SURF1: variants seen among roughly 807,000 people sequenced by gnomAD.
The protein encoded by SURF1 is surfeit locus protein 1.
SURF1 carries 45 observed loss-of-function variants against 34.1 expected under a neutral mutation model. That is an observed-to-expected ratio of 1.32 (90% CI 1.04 to 1.69). The LOEUF (loss-of-function observed/expected upper bound fraction) is 1.69. Ranked by LOEUF, SURF1 falls within the 40% of genes most tolerant of loss-of-function variation. SURF1 has a pLI of 0.00. For missense variants in SURF1, 456 were observed against 384.6 expected (o/e 1.19, Z -1.55); for synonymous variants, 188 against 147.5 (o/e 1.27, Z -1.99).
At chr9:133,354,608 T>C (rs2130017409) in intron 4 of SURF1, 51 bp downstream of exon 4, 2 of 1,605,686 alleles carry the variant, frequency 1.2e-6, no homozygotes, top group Non-Finnish European at 8.5e-7. Context: ...GCCAGGGCTC[T>C]GCTGTTGAAC....
In SURF1 at chr9:133,352,131, G is replaced by A. The variant is rs2130004932; in HGVS notation, c.763C>T (p.Pro255Ser). Residue 255 changes from proline to serine, a missense_variant, in exon 8 of 9, where the codon CCT becomes TCT. Pro to Ser is a moderately conservative substitution (Grantham distance 74). Transcript: ENST00000371974. ...GTTTGCCCTCCAATGGGTCCTCCAG[G>A]GACTGTGCTCTCTGTGGAGACAGCA... ...FIDANFQSTV[P>S]GGPIGGQTRV... The A allele has an allele frequency of 6.2e-7, 1 of 1,602,240 alleles. No individual in the cohort carries two copies. Among genetic ancestry groups the A allele is most frequent in the South Asian group, 1.1e-5 (1 of 89,194 alleles).
In SURF1 at chr9:133,356,270, T is replaced by C; in HGVS notation, c.105A>G (p.Pro35=). ...CACAGCCCGGCCTGCAGCCCTCACC[T>C]GGGCGCGGGGAGACCCTGAGGACGC... ...WRSVLRVSPR[P]GVAWRPSRCG... Residue 35 remains proline (P), a splice_region_variant and synonymous_variant, in exon 2 of 9, where the codon CCA becomes CCG. Coordinates refer to ENST00000371974, the MANE Select transcript of SURF1 (RefSeq NM_003172.4). The C allele has an allele frequency of 6.5e-7, 1 of 1,532,882 alleles. No homozygotes were observed. Among genetic ancestry groups the C allele is most frequent in the South Asian group, 1.2e-5 (1 of 83,922 alleles). 95.0% of individuals were successfully genotyped at this position (1,532,882 alleles called of 1,614,324 possible). A position where few individuals can be genotyped will look rare whatever the true frequency, so the allele number is the denominator to read the frequency against.
At position 133,354,761 on chromosome 9, in the gene SURF1, G is replaced by A. The variant is rs2130018444; in HGVS notation, c.241-20C>T. On this transcript the variant is annotated intron_variant, in intron 3 of 8. Transcript: ENST00000371974. ...CTGGACCTACAGTGACAGAGCATAA[G>A]GCCAAGCAGATGGCAGCAAGGTCAA... 5 of 1,613,596 alleles carry A rather than the reference G, an allele frequency of 3.1e-6. No individual in the cohort carries two copies. The African/African-American group carries it at 6.7e-5, about 22-fold the overall frequency.
In SURF1 at chr9:133,354,913, C is replaced by G. The variant is rs200000393; in HGVS notation, c.151G>C (p.Ala51Pro). 2.5e-6 allele frequency: 4 copies of G among 1,613,856 alleles called. No individual in the cohort carries two copies. In the East Asian group the frequency reaches 8.9e-5, roughly 36 times the overall value. The change falls in exon 3 of 9, where the codon GCA becomes CCA. Residue 51 changes from alanine to proline, a missense_variant. Transcript: ENST00000371974. ...PSRCGSSAAE[A>P]SATKAEDDSF... ...TCATCTTCCGCTTTTGTGGCAGATG[C>G]TTCTGCTGCAGAACTGCCACATCTG...
intron 2 of SURF1, 71 bp from the exon 3 acceptor site, chr9:133,355,028 G>C (rs1836537738): frequency 1.3e-6 from 2 of 1,598,366 alleles, no homozygotes; most frequent in Admixed American, 1.7e-5. Context: ...CCCGTTCCAA[G>C]ACAGACTCCA....
intron 2 of SURF1, among the ~76,000 whole-genome samples, chr9:133,355,727 G>A (rs2130022615): frequency 1.3e-5 from 2 of 152,130 alleles, no homozygotes; most frequent in African/African-American, 2.4e-5. Flanking sequence ...TAAATGTAAA[G>A]AGGGAAGAAT....
Position 133,352,721 on chromosome 9 carries a change from C to A in SURF1, c.561G>T (p.Val187=). ...VNRGFVPRKK[V]NPETRQKGQI... is the part of the protein sequence containing the mutation. ...GGCCTTTCTGCCGGGTTTCAGGATT[C>A]ACTTTCTTCCTGGGAACGAACCCTC... The change falls in exon 6 of 9, where the codon GTG becomes GTT. Residue 187 remains valine (V), a synonymous_variant. Coordinates refer to ENST00000371974, the MANE Select transcript of SURF1 (RefSeq NM_003172.4). 6.2e-7 allele frequency: 1 copy of A among 1,613,230 alleles called. No homozygotes were observed. Among genetic ancestry groups the A allele is most frequent in the Non-Finnish European group, 8.5e-7 (1 of 1,179,786 alleles).
In SURF1 at chr9:133,351,816, A is replaced by T; in HGVS notation, c.*97T>A. ...AACCAGTCATGAGCTCATTTAAGGT[A>T]GAAGGCCAGAACTTTATACCAGTAG... On this transcript the variant is annotated 3_prime_UTR_variant, in exon 9 of 9. Transcript: ENST00000371974. 7 of 1,357,026 alleles carry T rather than the reference A, an allele frequency of 5.2e-6. No homozygotes were observed. In the South Asian group the frequency reaches 8.7e-5, roughly 17 times the overall value. 84.1% of individuals were successfully genotyped at this position (1,357,026 alleles called of 1,614,324 possible).
In SURF1 at chr9:133,351,969, CAG is replaced by C. The variant is rs2130003140; in HGVS notation, c.845_846del (p.Ser282CysfsTer9). 151 of 1,613,784 alleles carry C rather than the reference CAG, an allele frequency of 9.4e-5. No individual in the cohort carries two copies. Among genetic ancestry groups the C allele is most frequent in the Non-Finnish European group, 1.1e-4 (132 of 1,179,964 alleles). ...TTAAACCACAGGTAGGATGTAGCTGCAGAGAGTCCATACCTAGGGGTTGAAAG... is the reference window on the plus strand; with the variant it reads ...TTAAACCACAGGTAGGATGTAGCTGCAGAGTCCATACCTAGGGGTTGAAAG... ...LQYIVTWYGLSAATSYLWFKK... is the reference protein window; with the variant it reads ...LQYIVTWYGLXAATSYLWFKK... On this transcript the variant is annotated frameshift_variant, in exon 9 of 9. Transcript: ENST00000371974. LOFTEE classifies it low-confidence loss of function (END_TRUNC).
intron 5 of SURF1, among the ~76,000 whole-genome samples, chr9:133,353,399 G>A (rs2130013084): frequency 3.3e-5 from 5 of 152,306 alleles, no homozygotes; most frequent in South Asian, 4.1e-4. Context: ...CTCAAGGTAG[G>A]GCTGGGGTCC....
At chr9:133,355,999 T>A (rs931906815) in intron 2 of SURF1, 19 of 561,320 alleles carry the variant, frequency 3.4e-5, no homozygotes, top group Non-Finnish European at 5.8e-5. Flanking sequence ...GATGGGACGT[T>A]CGGAAGTAAC....
Position 133,352,471 on chromosome 9 carries a change from C to G in SURF1, c.726G>C (p.Glu242Asp). 1 of 1,614,250 alleles carries G rather than the reference C, an allele frequency of 6.2e-7. No individual in the cohort carries two copies. The highest frequency in any genetic ancestry group is 1.1e-5 in the South Asian group (1 of 91,090). The change falls in exon 7 of 9, where the codon GAG becomes GAC. Residue 242 changes from glutamate to aspartate, a missense_variant. By Grantham distance (45) the Glu-to-Asp change is conservative. Transcript: ENST00000371974. ...GGAAGTTGGCATCAATGAAGATGGG[C>G]TCTGCGCCTGTGATTCTGGCCATAG... Reference protein sequence around the residue: ...LEAMARITGAEPIFIDANFQS... With the variant: ...LEAMARITGADPIFIDANFQS...
chr9:133,354,588 G>T, intron 4 of SURF1, 71 bp downstream of exon 4: 1 of 1,563,974 alleles, frequency 6.4e-7, no homozygotes, highest in Non-Finnish European at 8.8e-7. Flanking sequence ...GGGCAAGCTG[G>T]CCAGCAGAAG....
rs2130014270 is a variant in SURF1, at chr9:133,353,756, C to T, written c.508G>A (p.Asp170Asn). 47 of 1,613,800 alleles carry T rather than the reference C, an allele frequency of 2.9e-5. No individual in the cohort carries two copies. The highest frequency in any genetic ancestry group is 1.8e-4 in the East Asian group (8 of 44,878). ...CCCACATGTCCTACTCACCCCAGGT[C>T]GGTGCAGTGGAAGGGAGTGACCACA... ...AYVVTPFHCT[D>N]LGVTILVNRG... The change falls in exon 5 of 9, where the codon GAC (aspartate) becomes AAC (asparagine). Residue 170 changes from aspartate to asparagine, a missense_variant. Coordinates refer to ENST00000371974, the MANE Select transcript of SURF1 (RefSeq NM_003172.4).
rs1836494599 is a variant in SURF1 at position 133,353,734 on chromosome 9, A to G, written c.515+15T>C. The G allele has an allele frequency of 6.2e-7, 1 of 1,613,468 alleles. No individual in the cohort carries two copies. The highest frequency in any genetic ancestry group is 1.3e-5 in the African/African-American group (1 of 74,922). Reference sequence around the variant, plus strand: ...GCCTCTGCCAGGACAGCCAGCTCCCACATGTCCTACTCACCCCAGGTCGGT... The same window carrying G: ...GCCTCTGCCAGGACAGCCAGCTCCCGCATGTCCTACTCACCCCAGGTCGGT... On this transcript the variant is annotated intron_variant, in intron 5 of 8. Transcript: ENST00000371974.
chr9:133,355,086 T>C, intron 2 of SURF1, 129 bp from the exon 3 acceptor site: 3 of 1,234,300 alleles, frequency 2.4e-6, no homozygotes, highest in Non-Finnish European at 3.5e-6. Context: ...GCAGCACCTG[T>C]ATCCAGCCCA....
rs139022243 is a variant in SURF1 at position 133,352,118 on chromosome 9, A to G, written c.776T>C (p.Ile259Thr). 8.1e-6 allele frequency: 13 copies of G among 1,606,534 alleles called. No homozygotes were observed. The highest frequency in any genetic ancestry group is 6.7e-5 in the East Asian group (3 of 44,730). Residue 259 changes from isoleucine to threonine, a missense_variant, in exon 8 of 9, where the codon ATT becomes ACT. Coordinates refer to ENST00000371974, the MANE Select transcript of SURF1 (RefSeq NM_003172.4). ...CAGAGTAACTCTGGTTTGCCCTCCA[A>G]TGGGTCCTCCAGGGACTGTGCTCTC... ...NFQSTVPGGP[I>T]GGQTRVTLRN...
rs2130018247 is a variant in SURF1 at position 133,354,741 on chromosome 9, C to A, written c.241G>T (p.Val81Phe). Residue 81 changes from valine to phenylalanine, a missense_variant and splice_region_variant, in exon 4 of 9, where the codon GTC becomes TTC. Physicochemically the swap from Val to Phe is conservative, Grantham distance 50. Transcript: ENST00000371974. ...TTCAGCTTCCACTTCCGACGCTGGA[C>A]CTACAGTGACAGAGCATAAGGCCAA... is the stretch of plus-strand genomic sequence containing the variant. ...VTAFGLGTWQ[V>F]QRRKWKLNLI... The A allele has an allele frequency of 1.9e-6, 3 of 1,613,694 alleles. No homozygotes were observed. The South Asian group carries it at 3.3e-5, about 18-fold the overall frequency.
intron 5 of SURF1, among the ~76,000 whole-genome samples, chr9:133,353,148 G>A (rs1363798844): frequency 2.6e-5 from 4 of 152,202 alleles, no homozygotes; most frequent in Non-Finnish European, 5.9e-5. Flanking sequence ...CAAGGCAGCC[G>A]TGAGGAGCAG....
Sources: gnomAD v4.1 joint callset for allele counts (sites outside exome capture counted in the v4.1 genomes callset) on GRCh38, gnomAD v4.1.1 for gene constraint, MANE v1.5 for transcripts, NCBI Gene and HGNC (gene_info 2026-07-23, HGNC 2026-07-21) for gene names.